HUNK: variants seen among roughly 807,000 people sequenced by gnomAD.
HUNK encodes hormonally up-regulated Neu-associated kinase.
HUNK carries 21 observed loss-of-function variants against 61.0 expected under a neutral mutation model. That is an observed-to-expected ratio of 0.34 (90% CI 0.24 to 0.50). HUNK has a LOEUF of 0.50. Among genes scored for constraint, HUNK ranks in the 20% least tolerant of loss-of-function variants. The probability of loss-of-function intolerance (pLI) is 0.98; values close to 1 mark genes in which losing one functional copy is unlikely to be tolerated. For synonymous variants in HUNK, 371 were observed against 386.1 expected, an observed-to-expected ratio of 0.96 and a Z score of 0.46; for missense variants, 772 against 945.7, an observed-to-expected ratio of 0.82 and a Z score of 2.41.
intron 1 of HUNK, among the ~76,000 whole-genome samples, chr21:31,894,252 A>G (rs1954076047): frequency 6.6e-6 from 1 of 152,206 alleles, no homozygotes; most frequent in South Asian, 2.1e-4. Flanking sequence ...GGGAAGGGAA[A>G]GGAAGAAAGA....
Position 32,002,948 on chromosome 21 carries a change from C to G in HUNK, c.*3764C>G, listed in dbSNP as rs983715503. Reference sequence around the variant, plus strand: ...ATGTTTTCTTGTAAGAATCCCAACACTTTAGAATAGAAAAGGACCTAAGAT... The same window carrying G: ...ATGTTTTCTTGTAAGAATCCCAACAGTTTAGAATAGAAAAGGACCTAAGAT... On this transcript the variant is annotated 3_prime_UTR_variant, in exon 11 of 11. Coordinates refer to ENST00000270112, the MANE Select transcript of HUNK (RefSeq NM_014586.2). The G allele has an allele frequency of 6.6e-6, 1 of 152,192 alleles. No homozygotes were observed. Among genetic ancestry groups the G allele is most frequent in the Non-Finnish European group, 1.5e-5 (1 of 68,034 alleles). 9.4% of individuals were successfully genotyped at this position (152,192 alleles called of 1,614,324 possible). A position where few individuals can be genotyped will look rare whatever the true frequency, so the allele number is the denominator to read the frequency against.
chr21:31,927,473 C>T (rs956951944), intron 2 of HUNK, among the ~76,000 whole-genome samples: 1 of 151,994 alleles, frequency 6.6e-6, no homozygotes, highest in African/African-American at 2.4e-5. Context: ...GAAACCCCGT[C>T]TCTACTAAAA....
intron 1 of HUNK, 71 bp downstream of exon 1, chr21:31,874,006 A>T: frequency 8.1e-7 from 1 of 1,233,120 alleles, no homozygotes; most frequent in Non-Finnish European, 1.1e-6. Flanking sequence ...CGCGGGGAGC[A>T]CTGCACTGGG....
rs2053254516 is a variant in HUNK at position 32,002,728 on chromosome 21, T to A, written c.*3544T>A. On this transcript the variant is annotated 3_prime_UTR_variant, in exon 11 of 11. Transcript: ENST00000270112. ...GTGGGATCTAGATGACCTCTTGAAA[T>A]TGTCCCAGTTACTGCTTCCTTCATA... The A allele has an allele frequency of 6.6e-6, 1 of 152,248 alleles. No homozygotes were observed. Among genetic ancestry groups the A allele is most frequent in the African/African-American group, 2.4e-5 (1 of 41,546 alleles). 9.4% of individuals were successfully genotyped at this position (152,248 alleles called of 1,614,324 possible). A position where few individuals can be genotyped will look rare whatever the true frequency, so the allele number is the denominator to read the frequency against.
At chr21:31,882,794 C>T (rs893293954) in intron 1 of HUNK, among the ~76,000 whole-genome samples, 1 of 152,186 alleles carries the variant, frequency 6.6e-6, no homozygotes, top group Non-Finnish European at 1.5e-5. Context: ...ACCAGCTTCT[C>T]TTCATCCATC....
Position 31,924,659 on chromosome 21 carries a change from G to A in HUNK, c.453G>A (p.Lys151=). The stretch of plus-strand genomic sequence containing the variant: ...GCCCTGGGGGCAACCTGATGCACAA[G>A]ATCTATGAGAAGAAGCGGCTGGAGG... ...ELCPGGNLMH[K]IYEKKRLEES... is the part of the protein sequence containing the mutation. The change falls in exon 2 of 11, where the codon AAG becomes AAA. Residue 151 remains lysine, a synonymous_variant. Coordinates refer to ENST00000270112, the MANE Select transcript of HUNK (RefSeq NM_014586.2). This position sits in a 1 kb window ranked among gnomAD's most constrained non-coding sequence, Gnocchi z 5.1. The A allele has an allele frequency of 6.2e-7, 1 of 1,614,126 alleles. No individual in the cohort carries two copies. Among genetic ancestry groups the A allele is most frequent in the South Asian group, 1.1e-5 (1 of 91,078 alleles).
Position 31,974,715 on chromosome 21 carries a change from G to C in HUNK, c.1171G>C (p.Gly391Arg). Residue 391 changes from glycine (G) to arginine (R), a missense_variant and splice_region_variant, in exon 7 of 11, where the codon GGG (glycine) becomes CGG (arginine). Transcript: ENST00000270112. ...CAAGAAACTGGAGCGCTATTTGTCA[G>C]GGGTAAGTGCGACCCTAGAGGCGAT... ...LNKKLERYLS[G>R]KSDIQDSLCY... The C allele has an allele frequency of 6.2e-7, 1 of 1,612,590 alleles. No individual in the cohort carries two copies. Among genetic ancestry groups the C allele is most frequent in the Non-Finnish European group, 8.5e-7 (1 of 1,179,386 alleles).
At chr21:31,902,232 C>T (rs563647921) in intron 1 of HUNK, among the ~76,000 whole-genome samples, 15 of 152,132 alleles carry the variant, frequency 9.9e-5, no homozygotes, top group East Asian at 3.9e-4. Flanking sequence ...TGGCCACGGC[C>T]GGGCGCGGTG....
rs2052644965 is a variant in HUNK at position 31,924,346 on chromosome 21, A to G, written c.262-122A>G. 1.1e-5 allele frequency: 8 copies of G among 731,844 alleles called. No homozygotes were observed. In the South Asian group the frequency reaches 1.3e-4, roughly 12 times the overall value. The allele number at this position is 731,844 out of a possible 1,614,324, so 45.3% of individuals were successfully genotyped here. A position where few individuals can be genotyped will look rare whatever the true frequency, so the allele number is the denominator to read the frequency against. ...ATATATTTTCTGTTGATGCTGTTTTAGGTAAGGTGTTTCTCCTCTGCAGAG... is the reference window on the plus strand; with the variant it reads ...ATATATTTTCTGTTGATGCTGTTTTGGGTAAGGTGTTTCTCCTCTGCAGAG... On this transcript the variant is annotated intron_variant, in intron 1 of 10. Coordinates refer to ENST00000270112, the MANE Select transcript of HUNK (RefSeq NM_014586.2). This position sits in a 1 kb window ranked among gnomAD's most constrained non-coding sequence, Gnocchi z 5.1.
intron 6 of HUNK, among the ~76,000 whole-genome samples, chr21:31,971,417 T>C (rs2053010159): frequency 6.6e-6 from 1 of 152,166 alleles, no homozygotes; most frequent in Admixed American, 6.6e-5. Flanking sequence ...ACATGTTATT[T>C]ACAGTGTTTA....
At chr21:31,930,593 T>A (rs2052689827) in intron 2 of HUNK, among the ~76,000 whole-genome samples, 1 of 152,254 alleles carries the variant, frequency 6.6e-6, no homozygotes, top group Non-Finnish European at 1.5e-5. Flanking sequence ...ATCCCATGGT[T>A]ACTTTTCTCT....
At position 31,940,110 on chromosome 21, in the gene HUNK, A is replaced by G; in HGVS notation, c.555-55A>G. The stretch of plus-strand genomic sequence containing the variant: ...TCATTTCCCTTCAGAAGCAAAATGT[A>G]ATTCCATTATTTCGAATGCTTATCT... On this transcript the variant is annotated intron_variant, in intron 2 of 10. Transcript: ENST00000270112. 4.3e-6 allele frequency: 6 copies of G among 1,407,682 alleles called. No homozygotes were observed. The South Asian group carries it at 6.2e-5, about 15-fold the overall frequency. 87.2% of individuals were successfully genotyped at this position (1,407,682 alleles called of 1,614,324 possible).
At chr21:31,934,442 C>CAA (rs35817125) in intron 2 of HUNK, among the ~76,000 whole-genome samples, 5,350 of 88,668 alleles carry the variant, frequency 0.06, 349 homozygotes, top group African/African-American at 0.16. Context: ...GACTCTGCCT[C>CAA]AAAAAAAAAA....
At chr21:31,960,770 C>A (rs973682505) in intron 5 of HUNK, among the ~76,000 whole-genome samples, 1 of 152,182 alleles carries the variant, frequency 6.6e-6, no homozygotes, top group African/African-American at 2.4e-5. Context: ...ATTATCTCCA[C>A]CTGGCCCCGC....
In HUNK at chr21:31,968,322, C is replaced by T. The variant is rs755514543; in HGVS notation, c.947C>T (p.Ala316Val). The T allele has an allele frequency of 3.1e-6, 5 of 1,614,078 alleles. No homozygotes were observed. The highest frequency in any genetic ancestry group is 2.2e-5 in the East Asian group (1 of 44,892). ...AGGCCAAATATTCAGCAGGCACTGG[C>T]GAATCGCTGGCTTAATGAGAATTAC... ...VKRPNIQQAL[A>V]NRWLNENYTG... Residue 316 changes from alanine to valine, a missense_variant, in exon 6 of 11, where the codon GCG becomes GTG. Physicochemically the swap from Ala to Val is moderately conservative, Grantham distance 64. Around this residue, in one of 2 missense-constraint regions of HUNK, gnomAD observed 359 missense variants for 501.3 expected, o/e 0.72. Transcript: ENST00000270112.
chr21:31,955,264 T>C (rs2052880747), intron 4 of HUNK, among the ~76,000 whole-genome samples: 1 of 151,194 alleles, frequency 6.6e-6, no homozygotes, highest in South Asian at 2.1e-4. Context: ...AGTGATTTTT[T>C]TTTTTTTGGC....
At chr21:31,957,035 A>C (rs1006783744) in intron 4 of HUNK, among the ~76,000 whole-genome samples, 6 of 152,216 alleles carry the variant, frequency 3.9e-5, no homozygotes, top group Admixed American at 3.3e-4. Context: ...ACATGCAGTC[A>C]CTACCTGTGT....
At chr21:31,938,267 A>G (rs1356139366) in intron 2 of HUNK, among the ~76,000 whole-genome samples, 1 of 152,100 alleles carries the variant, frequency 6.6e-6, no homozygotes, top group Non-Finnish European at 1.5e-5. Context: ...TTTCCCCCGC[A>G]CCACTTCTCT....
chr21:31,885,132 C>T (rs1350907309), intron 1 of HUNK, among the ~76,000 whole-genome samples: 5 of 152,088 alleles, frequency 3.3e-5, no homozygotes, highest in Non-Finnish European at 7.4e-5. Flanking sequence ...TACTATGTTA[C>T]ACCAGCCCAA....
Sources: gnomAD v4.1 joint callset for allele counts (sites outside exome capture counted in the v4.1 genomes callset) on GRCh38, gnomAD v4.1.1 for gene constraint, gnomAD v4.1.1 regional missense constraint, Gnocchi (gnomAD v3.1) non-coding constraint, MANE v1.5 for transcripts, NCBI Gene and HGNC (gene_info 2026-07-23, HGNC 2026-07-21) for gene names.